SHOX: variants seen among roughly 807,000 people sequenced by gnomAD.
The protein encoded by SHOX is short stature homeobox protein.
Under a neutral mutation model 29.6 loss-of-function variants are expected in SHOX, and 12 were observed. That is an observed-to-expected ratio of 0.41 (90% confidence interval 0.26 to 0.66). The LOEUF is 0.66. Ranked by LOEUF, SHOX falls within the 30% of genes least tolerant of loss-of-function variation. The pLI, the probability that SHOX is intolerant of heterozygous loss-of-function variation, is 0.35. For synonymous variants in SHOX, 214 were observed against 200.6 expected (o/e 1.07, Z -0.57); for missense variants, 499 against 437.7 (o/e 1.14, Z -1.25).
At chrX:640,779 G>C (rs1448492409) in intron 2 of SHOX, 42 bp from the exon 3 acceptor site, 1 of 1,611,504 alleles carries the variant, frequency 6.2e-7, no homozygotes, top group South Asian at 1.1e-5. Context: ...GGCTGGGCTG[G>C]GTTCACAGGG....
rs1217677666 is a variant in SHOX, at chrX:638,362, G to A, written c.487-2459G>A. 7.2e-5 allele frequency among the ~76,000 whole-genome samples: 11 copies of A among 152,056 alleles called. No individual in the cohort carries two copies. In the East Asian group the frequency reaches 1.9e-3, roughly 27 times the overall value. On this transcript the variant is annotated intron_variant, in intron 2 of 4. Coordinates refer to ENST00000686671, the MANE Select transcript of SHOX (RefSeq NM_000451.4). ...ATGCCCTTCCAGAGGCTTTTGGGTG[G>A]CTGGCTTGCTTTCTGGGCCCTGGAG...
intron 1 of SHOX, 107 bp downstream of exon 1, chrX:631,281 C>A (rs955077077): frequency 1.4e-6 from 2 of 1,403,742 alleles, no homozygotes; most frequent in East Asian, 2.3e-5. Context: ...TTGCAGCTCC[C>A]GTCTCGCCAG....
At chrX:643,680 T>C (rs2052908012) in intron 4 of SHOX, among the ~76,000 whole-genome samples, 3 of 109,174 alleles carry the variant, frequency 2.7e-5, no homozygotes, top group Non-Finnish European at 5.4e-5. Context: ...GGAGAGAGCC[T>C]TGGGGACCTG....
chrX:630,870 C>T lies in SHOX; in HGVS notation c.-28C>T, dbSNP rs774312141. The T allele has an allele frequency of 1.4e-5, 23 of 1,612,038 alleles. No individual in the cohort carries two copies. Among genetic ancestry groups the T allele is most frequent in the Non-Finnish European group, 1.8e-5 (21 of 1,179,662 alleles). On this transcript the variant is annotated 5_prime_UTR_variant, in exon 1 of 5. Coordinates refer to ENST00000686671, the MANE Select transcript of SHOX (RefSeq NM_000451.4). ...GGGAGACGCGCGCATCCACCAGCCCCGGCTGCTCGCCAGCCCCGGCCCCAG... is the reference window on the plus strand; with the variant it reads ...GGGAGACGCGCGCATCCACCAGCCCTGGCTGCTCGCCAGCCCCGGCCCCAG...
intron 1 of SHOX, 84 bp downstream of exon 1, chrX:631,258 T>C: frequency 2.0e-6 from 3 of 1,520,356 alleles, no homozygotes; most frequent in Non-Finnish European, 2.7e-6. Flanking sequence ...CGCGCGCCCC[T>C]CGCTGTGCAC....
rs867770976 is a variant in SHOX at position 648,980 on chromosome X, C to G, written c.*4344C>G. On this transcript the variant is annotated 3_prime_UTR_variant, in exon 5 of 5. Coordinates refer to ENST00000686671, the MANE Select transcript of SHOX (RefSeq NM_000451.4). ...CTGTTTCTTTCCTTTTTATCTTTCTCTCTTTTTCTTTCTCTTTTCCTTTTT... is the reference window on the plus strand; with the variant it reads ...CTGTTTCTTTCCTTTTTATCTTTCTGTCTTTTTCTTTCTCTTTTCCTTTTT... 3.2e-5 allele frequency among the ~76,000 whole-genome samples: 4 copies of G among 125,866 alleles called. No individual in the cohort carries two copies. In the East Asian group the frequency reaches 9.2e-4, roughly 29 times the overall value. 82.6% of individuals were successfully genotyped at this position (125,866 alleles called of 152,430 possible). A position where few individuals can be genotyped will look rare whatever the true frequency, so the allele number is the denominator to read the frequency against.
chrX:631,952 G>A lies in SHOX; in HGVS notation c.277+778G>A, dbSNP rs1360964952. ...CTTCCCAGCGCTCAGCGCCTGCCGG[G>A]CCCCCGGAGATCACGGGAAGACTCG... On this transcript the variant is annotated intron_variant, in intron 1 of 4. Transcript: ENST00000686671. 8.8e-6 allele frequency: 4 copies of A among 456,084 alleles called. No homozygotes were observed. In the Admixed American group the frequency reaches 9.4e-5, roughly 11 times the overall value. The allele number at this position is 456,084 out of a possible 1,614,324, so 28.3% of individuals were successfully genotyped here. A position where few individuals can be genotyped will look rare whatever the true frequency, so the allele number is the denominator to read the frequency against.
intron 2 of SHOX, among the ~76,000 whole-genome samples, chrX:640,281 G>T (rs1405012856): frequency 3.3e-5 from 5 of 151,446 alleles, no homozygotes; most frequent in Admixed American, 2.0e-4. Context: ...GGAGGTGGAG[G>T]TTGCAGGGAG....
At chrX:636,970 A>ATATATATATATATATTT (rs1458275715) in intron 2 of SHOX, among the ~76,000 whole-genome samples, 3 of 137,330 alleles carry the variant, frequency 2.2e-5, no homozygotes, top group African/African-American at 8.3e-5. Context: ...ATATATATAT[A>ATATATATATATATATTT]TTTTGGCTCC....
In SHOX at chrX:648,736, T is replaced by C. The variant is rs1438033931; in HGVS notation, c.*4100T>C. 6.6e-6 allele frequency among the ~76,000 whole-genome samples: 1 copy of C among 152,148 alleles called. No individual in the cohort carries two copies. Among genetic ancestry groups the C allele is most frequent in the Non-Finnish European group, 1.5e-5 (1 of 68,026 alleles). ...TCTCCTGCGAGAGAAGTTGGGTGAC[T>C]TTCTGTAGGTGGATGAGTGATCCCT... On this transcript the variant is annotated 3_prime_UTR_variant, in exon 5 of 5. Transcript: ENST00000686671.
chrX:636,232 T>G (rs1159094439), intron 2 of SHOX, among the ~76,000 whole-genome samples: 2 of 145,928 alleles, frequency 1.4e-5, no homozygotes, highest in Non-Finnish European at 3.0e-5. Context: ...ATATAATATA[T>G]AAATCTATAA....
At chrX:658,471 CTTTT>C (rs777890718) in intron 5 of SHOX, among the ~76,000 whole-genome samples, 2 of 134,420 alleles carry the variant, frequency 1.5e-5, no homozygotes, top group Admixed American at 7.5e-5. Flanking sequence ...AAAAAGAACT[CTTTT>C]TTTTTTTTTT....
rs756239303 is a variant in SHOX, at chrX:631,065, C to A, written c.168C>A (p.Leu56=). Residue 56 remains leucine (L), a synonymous_variant, in exon 1 of 5, where the codon CTC becomes CTA. Coordinates refer to ENST00000686671, the MANE Select transcript of SHOX (RefSeq NM_000451.4). The part of the protein sequence containing the change: ...SRELGTSDSS[L]QDITEGGGHC... ...AGCTGGGGACGTCGGATTCCAGCCT[C>A]CAGGACATCACGGAGGGCGGCGGCC... The A allele has an allele frequency of 6.2e-7, 1 of 1,613,678 alleles. No homozygotes were observed. The highest frequency in any genetic ancestry group is 1.3e-5 in the African/African-American group (1 of 74,920).
rs1358742277 is a variant in SHOX, at chrX:630,860, C to G, written c.-38C>G. 1 of 1,610,720 alleles carries G rather than the reference C, an allele frequency of 6.2e-7. No individual in the cohort carries two copies. ...TCTCCGCGCGGGGAGACGCGCGCAT[C>G]CACCAGCCCCGGCTGCTCGCCAGCC... On this transcript the variant is annotated 5_prime_UTR_variant, in exon 1 of 5. In the 5' UTR this introduces an upstream ATG that the reference lacks. Transcript: ENST00000686671.
intron 1 of SHOX, chrX:624,700 CTTTT>C (rs1413360186): frequency 2.1e-5 from 1 of 48,172 alleles, no homozygotes; most frequent in Non-Finnish European, 3.9e-5. Context: ...CTTCCTCTTT[CTTTT>C]CTTTCTTTCT....
Position 644,587 on chromosome X carries a change from C to T in SHOX, c.830C>T (p.Ala277Val). 4 of 1,513,092 alleles carry T rather than the reference C, an allele frequency of 2.6e-6. No individual in the cohort carries two copies. Among genetic ancestry groups the T allele is most frequent in the Non-Finnish European group, 3.5e-6 (4 of 1,137,520 alleles). 93.7% of individuals were successfully genotyped at this position (1,513,092 alleles called of 1,614,324 possible). A position where few individuals can be genotyped will look rare whatever the true frequency, so the allele number is the denominator to read the frequency against. The part of the protein sequence containing the change: ...AKSNSKNSSI[A>V]DLRLKARKHA... ...AGCAACAGCAAGAATTCCAGCATCG[C>T]CGACCTGCGGCTCAAGGCGCGGAAG... is the stretch of plus-strand genomic sequence containing the variant. The change falls in exon 5 of 5, where the codon GCC becomes GTC. Residue 277 changes from alanine to valine, a missense_variant. Coordinates refer to ENST00000686671, the MANE Select transcript of SHOX (RefSeq NM_000451.4).
downstream of SHOX, among the ~76,000 whole-genome samples, chrX:656,006 T>C (rs1253966472): frequency 1.4e-5 from 2 of 146,078 alleles, no homozygotes; most frequent in Non-Finnish European, 3.0e-5. Flanking sequence ...GGTGAAACCC[T>C]GTCTCTCCAA....
chrX:645,831 A>T lies in SHOX; in HGVS notation c.*1195A>T, dbSNP rs182779829. The T allele has an allele frequency of 6.6e-5, 10 of 152,340 alleles. No homozygotes were observed. In the East Asian group the frequency reaches 1.9e-3, roughly 29 times the overall value. 9.4% of individuals were successfully genotyped at this position (152,340 alleles called of 1,614,324 possible). Reference sequence around the variant, plus strand: ...CCAGAGAGTTTTCAAGTTTTTGCAGATGTAGGTGGTTCCAGCTTTTCTTTC... The same window carrying T: ...CCAGAGAGTTTTCAAGTTTTTGCAGTTGTAGGTGGTTCCAGCTTTTCTTTC... On this transcript the variant is annotated 3_prime_UTR_variant, in exon 5 of 5. Coordinates refer to ENST00000686671, the MANE Select transcript of SHOX (RefSeq NM_000451.4).
Position 644,702 on chromosome X carries a change from C to G in SHOX, c.*66C>G, listed in dbSNP as rs1210516843. ...CGCGCACCCCGCCTGCACCGCGCGT[C>G]CTGCACTCAACCCCGCCTGGAGCTC... On this transcript the variant is annotated 3_prime_UTR_variant, in exon 5 of 5. Transcript: ENST00000686671. 7.3e-7 allele frequency: 1 copy of G among 1,361,428 alleles called. No individual in the cohort carries two copies. The highest frequency in any genetic ancestry group is 1.5e-5 in the African/African-American group (1 of 64,848). The allele number at this position is 1,361,428 out of a possible 1,614,324, so 84.3% of individuals were successfully genotyped here. A position where few individuals can be genotyped will look rare whatever the true frequency, so the allele number is the denominator to read the frequency against.
Sources: allele counts gnomAD v4.1 joint callset (sites outside exome capture counted in the v4.1 genomes callset), GRCh38; gene constraint gnomAD v4.1.1; transcripts MANE v1.5; gene names NCBI Gene and HGNC (gene_info 2026-07-23, HGNC 2026-07-21).